ZNF189: variants seen among roughly 807,000 people sequenced by gnomAD.
ZNF189 encodes zinc finger protein 189.
ZNF189 carries 33 observed loss-of-function variants against 53.5 expected under a neutral mutation model. The observed-to-expected ratio is 0.62, with a 90% confidence interval of 0.47 to 0.82. The LOEUF (loss-of-function observed/expected upper bound fraction) is 0.82, where lower values mean the gene tolerates loss of function less well. Ranked by LOEUF, ZNF189 falls within the 40% of genes least tolerant of loss-of-function variation. ZNF189 has a pLI of 0.00. For synonymous variants in ZNF189, 247 were observed against 238.8 expected, an observed-to-expected ratio of 1.03 and a Z score of -0.32; for missense variants, 711 against 753.9, an observed-to-expected ratio of 0.94 and a Z score of 0.67.
At position 101,399,931 on chromosome 9, in the gene ZNF189, G is replaced by A; in HGVS notation, c.81G>A (p.Glu27=). 6.2e-7 allele frequency: 1 copy of A among 1,614,172 alleles called. No individual in the cohort carries two copies. The highest frequency in any genetic ancestry group is 8.5e-7 in the Non-Finnish European group (1 of 1,180,028). Residue 27 remains glutamate, a synonymous_variant, in exon 2 of 3, where the codon GAG becomes GAA. Transcript: ENST00000339664. ...EDVAVFFTQE[E]WDYLDPAQRS... ...TGGCTGTGTTTTTTACCCAGGAGGA[G>A]TGGGATTATCTGGACCCAGCTCAGA...
At chr9:101,404,219 T>G (rs1186064867) in intron 2 of ZNF189, among the ~76,000 whole-genome samples, 1 of 152,268 alleles carries the variant, frequency 6.6e-6, no homozygotes, top group Non-Finnish European at 1.5e-5. Context: ...TTTATTTTTA[T>G]GTGAATGTCA....
Position 101,407,921 on chromosome 9 carries a change from T to C in ZNF189, c.161-8T>C, listed in dbSNP as rs1027375113. The C allele has an allele frequency of 1.3e-6, 2 of 1,518,376 alleles. No homozygotes were observed. Among genetic ancestry groups the C allele is most frequent in the African/African-American group, 2.8e-5 (2 of 71,224 alleles). The allele number at this position is 1,518,376 out of a possible 1,614,324, so 94.1% of individuals were successfully genotyped here. A position where few individuals can be genotyped will look rare whatever the true frequency, so the allele number is the denominator to read the frequency against. On this transcript the variant is annotated splice_polypyrimidine_tract_variant and splice_region_variant and intron_variant, in intron 2 of 2. Transcript: ENST00000339664. ...GTTGATCTTTGTATTTCCTTTTTAT[T>C]ATTCCAGATGTTTTGAACAGAGATA...
At chr9:101,407,257 C>T (rs1334515247) in intron 2 of ZNF189, among the ~76,000 whole-genome samples, 2 of 152,180 alleles carry the variant, frequency 1.3e-5, no homozygotes, top group Non-Finnish European at 2.9e-5. Context: ...CATGTCTTAT[C>T]TCTGAATCCT....
At chr9:101,400,052 TAGAG>T in intron 2 of ZNF189, 42 bp downstream of exon 2, 1 of 1,603,944 alleles carries the variant, frequency 6.2e-7, no homozygotes, top group South Asian at 1.1e-5. Flanking sequence ...TCTAAGAAGG[TAGAG>T]AGAAATCAGA....
intron 2 of ZNF189, among the ~76,000 whole-genome samples, chr9:101,407,001 T>C (rs1364350567): frequency 6.6e-6 from 1 of 152,218 alleles, no homozygotes; most frequent in Non-Finnish European, 1.5e-5. Context: ...GTAGGTAAAG[T>C]CATAAGCTAC....
In ZNF189 at chr9:101,408,449, T is replaced by C; in HGVS notation, c.681T>C (p.Thr227=). Residue 227 remains threonine, a synonymous_variant, in exon 3 of 3, where the codon ACT becomes ACC. Transcript: ENST00000339664. ...TTATTAGACATCAGAGAATCCACACTGGAGAAAGACCCTATCAGTGTAATC... is the reference window on the plus strand; with the variant it reads ...TTATTAGACATCAGAGAATCCACACCGGAGAAAGACCCTATCAGTGTAATC... ...STLIRHQRIH[T]GERPYQCNQC... The C allele has an allele frequency of 6.2e-7, 1 of 1,614,002 alleles. No homozygotes were observed. Among genetic ancestry groups the C allele is most frequent in the African/African-American group, 1.3e-5 (1 of 74,992 alleles).
rs765653912 is a variant in ZNF189 at position 101,408,208 on chromosome 9, G to A, written c.440G>A (p.Cys147Tyr). Residue 147 changes from cysteine to tyrosine, a missense_variant, in exon 3 of 3, where the codon TGC (cysteine) becomes TAC (tyrosine). Transcript: ENST00000339664. ...IRKRPNSEEK[C>Y]HKCEECGKGF... ...AAAAGACCAAACTCAGAAGAGAAAT[G>A]CCATAAATGTGAAGAATGTGGAAAG... 6.8e-6 allele frequency: 11 copies of A among 1,614,148 alleles called. No homozygotes were observed. The highest frequency in any genetic ancestry group is 9.3e-6 in the Non-Finnish European group (11 of 1,180,028).
At position 101,408,933 on chromosome 9, in the gene ZNF189, C is replaced by T. The variant is rs767578627; in HGVS notation, c.1165C>T (p.Arg389Cys). The T allele has an allele frequency of 5.6e-6, 9 of 1,613,632 alleles. No individual in the cohort carries two copies. The highest frequency in any genetic ancestry group is 6.8e-6 in the Non-Finnish European group (8 of 1,179,964). The change falls in exon 3 of 3, where the codon CGT becomes TGT. Residue 389 changes from arginine to cysteine, a missense_variant. Transcript: ENST00000339664. ...KSFSQLCNLT[R>C]HQRIHTGDKP... Reference sequence around the variant, plus strand: ...TTTCAGTCAGCTTTGCAACCTTACTCGTCATCAGAGAATTCACACAGGAGA... The same window carrying T: ...TTTCAGTCAGCTTTGCAACCTTACTTGTCATCAGAGAATTCACACAGGAGA...
In ZNF189 at chr9:101,398,892, C is replaced by G; in HGVS notation, c.-265C>G. On this transcript the variant is annotated 5_prime_UTR_variant, in exon 1 of 3. Transcript: ENST00000339664. ...GGCTGCAAGGAGGAGGAACTGGCAG[C>G]GGGGAGGAGGCTCTAGCGAGGCCTG... The G allele has an allele frequency of 2.3e-6, 1 of 425,584 alleles. No individual in the cohort carries two copies. Among genetic ancestry groups the G allele is most frequent in the Admixed American group, 4.0e-5 (1 of 25,036 alleles). The allele number at this position is 425,584 out of a possible 1,614,324, so 26.4% of individuals were successfully genotyped here.
chr9:101,409,658 C>T lies in ZNF189; in HGVS notation c.*9C>T. The T allele has an allele frequency of 4.4e-6, 7 of 1,589,118 alleles. No individual in the cohort carries two copies. The highest frequency in any genetic ancestry group is 5.1e-6 in the Non-Finnish European group (6 of 1,169,692). ...CAGCATGGATGCAATAAATGTAGAG[C>T]AATACATAAGCTCAATTTGATTTGA... is the stretch of plus-strand genomic sequence containing the variant. On this transcript the variant is annotated 3_prime_UTR_variant, in exon 3 of 3. Coordinates refer to ENST00000339664, the MANE Select transcript of ZNF189 (RefSeq NM_003452.4).
chr9:101,407,887 A>G (rs1231136394), intron 2 of ZNF189, 42 bp from the exon 3 acceptor site: 8 of 1,470,272 alleles, frequency 5.4e-6, no homozygotes, highest in Non-Finnish European at 6.3e-6. Flanking sequence ...CCTTGCTTCA[A>G]AGACCTTGGT....
intron 2 of ZNF189, chr9:101,407,307 T>C (rs1830750477): frequency 1.0e-5 from 4 of 396,618 alleles, no homozygotes; most frequent in Admixed American, 8.8e-5. Context: ...TGATGGGCAG[T>C]GAGTAAATGC....
chr9:101,408,000 G>A lies in ZNF189; in HGVS notation c.232G>A (p.Glu78Lys). ...GATTGAAGAAATTGAGGAAGAAGTGGAACCACAGGGTGTAATAGTTACAAG... is the reference window on the plus strand; with the variant it reads ...GATTGAAGAAATTGAGGAAGAAGTGAAACCACAGGGTGTAATAGTTACAAG... ...QEIEEIEEEV[E>K]PQGVIVTRIK... Residue 78 changes from glutamate to lysine, a missense_variant, in exon 3 of 3, where the codon GAA becomes AAA. Coordinates refer to ENST00000339664, the MANE Select transcript of ZNF189 (RefSeq NM_003452.4). 1 of 1,610,342 alleles carries A rather than the reference G, an allele frequency of 6.2e-7. No individual in the cohort carries two copies. The highest frequency in any genetic ancestry group is 1.1e-5 in the South Asian group (1 of 90,086).
In ZNF189 at chr9:101,409,923, G is replaced by A; in HGVS notation, c.*274G>A. Reference sequence around the variant, plus strand: ...TTAAACCTAGGTTCAGAGCATGGGTGCTCTGAGGGACAAAGTTGGATTAGT... The same window carrying A: ...TTAAACCTAGGTTCAGAGCATGGGTACTCTGAGGGACAAAGTTGGATTAGT... On this transcript the variant is annotated 3_prime_UTR_variant, in exon 3 of 3. Transcript: ENST00000339664. The A allele has an allele frequency of 9.1e-6, 3 of 329,576 alleles. No homozygotes were observed. Among genetic ancestry groups the A allele is most frequent in the Non-Finnish European group, 1.7e-5 (3 of 180,414 alleles). 20.4% of individuals were successfully genotyped at this position (329,576 alleles called of 1,614,324 possible).
rs1830435699 is a variant in ZNF189 at position 101,399,203 on chromosome 9, C to CT, written c.33+14_33+15insT. 6.3e-7 allele frequency: 1 copy of CT among 1,581,250 alleles called. No homozygotes were observed. The highest frequency in any genetic ancestry group is 1.4e-5 in the African/African-American group (1 of 74,070). ...CCGGAGTCGAAGGTAAGTAAGCACC[C>CT]CCCCGGGGATCCCGGTTGTCTCGCC... On this transcript the variant is annotated intron_variant, in intron 1 of 2. Transcript: ENST00000339664.
intron 2 of ZNF189, among the ~76,000 whole-genome samples, chr9:101,402,641 A>G (rs2777338): frequency 0.45 from 68,170 of 151,940 alleles, 15,580 homozygotes; most frequent in South Asian, 0.6. Flanking sequence ...TACTCCTGCT[A>G]TTGAATTTAT....
chr9:101,399,045 C>G lies in ZNF189; in HGVS notation c.-112C>G. On this transcript the variant is annotated 5_prime_UTR_variant, in exon 1 of 3. Coordinates refer to ENST00000339664, the MANE Select transcript of ZNF189 (RefSeq NM_003452.4). ...CGAGGCAGGCACTGGCCAGACCCAGCCAGGGATCCTCGTATTCGTCGAGCC... is the reference window on the plus strand; with the variant it reads ...CGAGGCAGGCACTGGCCAGACCCAGGCAGGGATCCTCGTATTCGTCGAGCC... The G allele has an allele frequency of 1.2e-6, 1 of 812,456 alleles. No individual in the cohort carries two copies. Among genetic ancestry groups the G allele is most frequent in the Non-Finnish European group, 2.1e-6 (1 of 468,390 alleles). 50.3% of individuals were successfully genotyped at this position (812,456 alleles called of 1,614,324 possible). A position where few individuals can be genotyped will look rare whatever the true frequency, so the allele number is the denominator to read the frequency against.
Position 101,409,113 on chromosome 9 carries a change from G to A in ZNF189, c.1345G>A (p.Val449Ile). ...PNCSLVIQQE[V>I]YPKEKSYKCD... Reference sequence around the variant, plus strand: ...TTGCAGTCTTGTTATACAGCAGGAAGTCTACCCTAAGGAGAAATCTTATAA... The same window carrying A: ...TTGCAGTCTTGTTATACAGCAGGAAATCTACCCTAAGGAGAAATCTTATAA... The change falls in exon 3 of 3, where the codon GTC becomes ATC. Residue 449 changes from valine to isoleucine, a missense_variant. By Grantham distance (29) the Val-to-Ile change is conservative (BLOSUM62 3). Coordinates refer to ENST00000339664, the MANE Select transcript of ZNF189 (RefSeq NM_003452.4). The A allele has an allele frequency of 6.2e-7, 1 of 1,613,966 alleles. No individual in the cohort carries two copies. The highest frequency in any genetic ancestry group is 8.5e-7 in the Non-Finnish European group (1 of 1,179,972).
Position 101,408,506 on chromosome 9 carries a change from C to G in ZNF189, c.738C>G (p.Ser246Arg). The G allele has an allele frequency of 6.2e-7, 1 of 1,614,070 alleles. No homozygotes were observed. Among genetic ancestry groups the G allele is most frequent in the Non-Finnish European group, 8.5e-7 (1 of 1,180,022 alleles). Residue 246 changes from serine (S) to arginine (R), a missense_variant, in exon 3 of 3, where the codon AGC becomes AGG. Physicochemically the swap from Ser to Arg is moderately radical, Grantham distance 110 (BLOSUM62 -1). Coordinates refer to ENST00000339664, the MANE Select transcript of ZNF189 (RefSeq NM_003452.4). ...AACAGAGCTTCAGCCAGAGAAGGAG[C>G]CTTGTTAAACATCAAAGGATTCATA... The part of the protein sequence containing the change: ...QCKQSFSQRR[S>R]LVKHQRIHTG...
Sources: gnomAD v4.1 joint callset for allele counts (sites outside exome capture counted in the v4.1 genomes callset) on GRCh38, gnomAD v4.1.1 for gene constraint, MANE v1.5 for transcripts, NCBI Gene and HGNC (gene_info 2026-07-23, HGNC 2026-07-21) for gene names.